Variants in STARD3 observed in about 807,000 individuals in gnomAD.
STARD3 encodes the protein StAR related lipid transfer domain containing 3.
A neutral mutation model predicts 62.0 loss-of-function variants in STARD3; 39 were observed. The observed-to-expected ratio is 0.63, with a 90% CI of 0.49 to 0.82. The LOEUF (loss-of-function observed/expected upper bound fraction) is 0.82, where lower values mean the gene tolerates loss of function less well. STARD3 is among the 40% of genes least tolerant of loss of function. STARD3 has a pLI of 0.00. For synonymous variants in STARD3, 229 were observed against 242.4 expected, an observed-to-expected ratio of 0.94 and a Z score of 0.51; for missense variants, 543 against 584.5, an observed-to-expected ratio of 0.93 and a Z score of 0.73.
intron 1 of STARD3, among the ~76,000 whole-genome samples, chr17:39,648,951 G>T (rs571098787): frequency 6.6e-6 from 1 of 152,312 alleles, no homozygotes; most frequent in East Asian, 1.9e-4. Context: ...GACAGACACA[G>T]AAGTAGACTG....
intron 2 of STARD3, among the ~76,000 whole-genome samples, chr17:39,654,744 C>T (rs2057111380): frequency 6.6e-6 from 1 of 152,264 alleles, no homozygotes; most frequent in South Asian, 2.1e-4. Context: ...AGCATGGGCT[C>T]CCCATCAGAC....
At chr17:39,656,348 G>A (rs975624127) in intron 2 of STARD3, among the ~76,000 whole-genome samples, 2 of 152,140 alleles carry the variant, frequency 1.3e-5, no homozygotes, top group African/African-American at 4.8e-5. Flanking sequence ...GAGTCAGGTC[G>A]CAGTCTGGCC....
chr17:39,644,915 G>C (rs939790379), intron 1 of STARD3, among the ~76,000 whole-genome samples: 1 of 151,998 alleles, frequency 6.6e-6, no homozygotes, highest in Admixed American at 6.6e-5. Context: ...AGCTGCCGTC[G>C]GTCAGCTGGG....
rs2056998375 is a variant in STARD3 at position 39,643,488 on chromosome 17, A to G, written c.-52+6257A>G. 2.0e-5 allele frequency among the ~76,000 whole-genome samples: 3 copies of G among 152,224 alleles called. No homozygotes were observed. The South Asian group carries it at 6.2e-4, about 32-fold the overall frequency. On this transcript the variant is annotated intron_variant, in intron 1 of 14. Transcript: ENST00000336308. Reference sequence around the variant, plus strand: ...AAGGAGATGGTGTCTGCATGGTGCCACCGCAGGCCATGGCCAGCTGGATCT... The same window carrying G: ...AAGGAGATGGTGTCTGCATGGTGCCGCCGCAGGCCATGGCCAGCTGGATCT...
At chr17:39,655,605 C>T (rs1306147659) in intron 2 of STARD3, among the ~76,000 whole-genome samples, 1 of 152,208 alleles carries the variant, frequency 6.6e-6, no homozygotes, top group Non-Finnish European at 1.5e-5. Context: ...TTTCAGATGT[C>T]ATGAAACATT....
At chr17:39,655,862 T>C (rs2057123306) in intron 2 of STARD3, among the ~76,000 whole-genome samples, 1 of 151,536 alleles carries the variant, frequency 6.6e-6, no homozygotes, top group Non-Finnish European at 1.5e-5. Flanking sequence ...CTCTCCCGAG[T>C]CCTGATCGGT....
At chr17:39,659,134 G>T (rs1346670405) in intron 8 of STARD3, 28 bp downstream of exon 8, 1 of 1,613,960 alleles carries the variant, frequency 6.2e-7, no homozygotes, top group Non-Finnish European at 8.5e-7. Context: ...CCTAACCCCT[G>T]CCCTTGGAAT....
chr17:39,662,359 G>T lies in STARD3; in HGVS notation c.1233+15G>T. 1.2e-6 allele frequency: 2 copies of T among 1,612,066 alleles called. No homozygotes were observed. Among genetic ancestry groups the T allele is most frequent in the Non-Finnish European group, 1.7e-6 (2 of 1,178,964 alleles). ...CAGATCTCAAGGTGGGGTGCTGGGGGGCTGCCAGGTGGGTTCTGTGGAGTG... is the reference window on the plus strand; with the variant it reads ...CAGATCTCAAGGTGGGGTGCTGGGGTGCTGCCAGGTGGGTTCTGTGGAGTG... On this transcript the variant is annotated intron_variant, in intron 14 of 14. Transcript: ENST00000336308.
chr17:39,652,226 C>T (rs145077936), intron 1 of STARD3, among the ~76,000 whole-genome samples: 1,555 of 152,266 alleles, frequency 0.01, 26 homozygotes, highest in African/African-American at 0.035. Context: ...TAGGGTTTGC[C>T]CTGTTCCTGT....
rs148470940 is a variant in STARD3 at position 39,656,677 on chromosome 17, G to A, written c.220-331G>A. 3.1e-3 allele frequency among the ~76,000 whole-genome samples: 469 copies of A among 152,130 alleles called. 2 individuals carry two copies. The highest frequency in any genetic ancestry group is 0.011 in the African/African-American group (455 of 41,496). ...GGGATTCTGTCAGAGGTGGGCTTTC[G>A]GCGCCCTTCTGCTGGCCCTGTATAG... On this transcript the variant is annotated intron_variant, in intron 2 of 14. Coordinates refer to ENST00000336308, the MANE Select transcript of STARD3 (RefSeq NM_006804.4).
rs942286355 is a variant in STARD3, at chr17:39,653,259, G to A, written c.-51-222G>A. 9.3e-6 allele frequency: 5 copies of A among 537,878 alleles called. No homozygotes were observed. In the Admixed American group the frequency reaches 1.6e-4, roughly 17 times the overall value. The allele number at this position is 537,878 out of a possible 1,614,324, so 33.3% of individuals were successfully genotyped here. ...GGTGAACCCTGTGGCTGCTGGGCTT[G>A]GGGCAGGGAGCACCAGGAAGGAGGA... On this transcript the variant is annotated intron_variant, in intron 1 of 14. Coordinates refer to ENST00000336308, the MANE Select transcript of STARD3 (RefSeq NM_006804.4).
intron 2 of STARD3, among the ~76,000 whole-genome samples, chr17:39,654,758 C>T (rs957495753): frequency 2.0e-5 from 3 of 152,252 alleles, no homozygotes; most frequent in Admixed American, 2.0e-4. Context: ...ATCAGACTTC[C>T]GGATGGCAAG....
intron 1 of STARD3, among the ~76,000 whole-genome samples, chr17:39,643,274 C>A (rs1372603652): frequency 1.3e-5 from 2 of 152,168 alleles, no homozygotes; most frequent in Non-Finnish European, 2.9e-5. Context: ...TCTTGACACA[C>A]TGTCCCCCAG....
intron 8 of STARD3, 68 bp from the exon 9 acceptor site, chr17:39,659,393 A>G (rs1293208073): frequency 8.8e-6 from 13 of 1,472,390 alleles, no homozygotes; most frequent in Non-Finnish European, 1.2e-5. Flanking sequence ...CTAGAGAGAG[A>G]ACAGGCCACG....
chr17:39,662,234 G>T lies in STARD3; in HGVS notation c.1140-17G>T, dbSNP rs1011647880. On this transcript the variant is annotated splice_polypyrimidine_tract_variant and intron_variant, in intron 13 of 14. Coordinates refer to ENST00000336308, the MANE Select transcript of STARD3 (RefSeq NM_006804.4). ...CACTCTGTTCCAAAGTCCCCCCAAT[G>T]ATGCCTCTTTCCATAGGGGAGAGAA... The T allele has an allele frequency of 9.3e-6, 15 of 1,611,580 alleles. No individual in the cohort carries two copies. Among genetic ancestry groups the T allele is most frequent in the Non-Finnish European group, 8.5e-7 (1 of 1,178,908 alleles).
In STARD3 at chr17:39,659,258, C is replaced by T. The variant is rs527751857; in HGVS notation, c.702+152C>T. The T allele has an allele frequency of 1.1e-3, 1,175 of 1,116,270 alleles. 7 individuals carry two copies. In the African/African-American group the frequency reaches 0.017, roughly 16 times the overall value. 69.1% of individuals were successfully genotyped at this position (1,116,270 alleles called of 1,614,324 possible). On this transcript the variant is annotated intron_variant, in intron 8 of 14. Transcript: ENST00000336308. Reference sequence around the variant, plus strand: ...AGTGTCTCCCCCACCACCAGTCCGGCCCCCCTGGTCTGCCTCATGCCTGGG... The same window carrying T: ...AGTGTCTCCCCCACCACCAGTCCGGTCCCCCTGGTCTGCCTCATGCCTGGG...
Position 39,662,241 on chromosome 17 carries a change from C to T in STARD3, c.1140-10C>T, listed in dbSNP as rs1197744883. 6.2e-7 allele frequency: 1 copy of T among 1,612,844 alleles called. No individual in the cohort carries two copies. The highest frequency in any genetic ancestry group is 8.5e-7 in the Non-Finnish European group (1 of 1,179,468). On this transcript the variant is annotated splice_polypyrimidine_tract_variant and intron_variant, in intron 13 of 14. Transcript: ENST00000336308. Reference sequence around the variant, plus strand: ...TTCCAAAGTCCCCCCAATGATGCCTCTTTCCATAGGGGAGAGAATGGCCCT... The same window carrying T: ...TTCCAAAGTCCCCCCAATGATGCCTTTTTCCATAGGGGAGAGAATGGCCCT...
intron 2 of STARD3, among the ~76,000 whole-genome samples, chr17:39,655,164 A>G (rs1316381273): frequency 1.3e-5 from 2 of 152,220 alleles, no homozygotes; most frequent in South Asian, 4.1e-4. Flanking sequence ...AAAAGAGCTG[A>G]AAAGATTTTG....
chr17:39,659,159 G>A, intron 8 of STARD3, 53 bp downstream of exon 8: 2 of 1,611,474 alleles, frequency 1.2e-6, no homozygotes, highest in Non-Finnish European at 1.7e-6. Flanking sequence ...GCCTGGAGGA[G>A]GGCGGGTGCA....
Sources: allele counts gnomAD v4.1 joint callset (sites outside exome capture counted in the v4.1 genomes callset), GRCh38; gene constraint gnomAD v4.1.1; transcripts MANE v1.5; gene names NCBI Gene and HGNC (gene_info 2026-07-23, HGNC 2026-07-21).